Variants in RABGAP1 observed in about 807,000 individuals in gnomAD.
RABGAP1 encodes the protein RAB GTPase activating protein 1, also known as rab GTPase-activating protein 1.
Under a neutral mutation model 137.6 loss-of-function variants are expected in RABGAP1, and 23 were observed. The observed-to-expected ratio is 0.17, with a 90% CI of 0.12 to 0.24. RABGAP1 has a LOEUF of 0.24. Among genes scored for constraint, RABGAP1 ranks in the 10% least tolerant of loss-of-function variants. The pLI is 1.00. For synonymous variants in RABGAP1, 451 were observed against 450.7 expected, an observed-to-expected ratio of 1.00 and a Z score of -0.01; for missense variants, 906 against 1,275.8, an observed-to-expected ratio of 0.71 and a Z score of 4.42.
intron 6 of RABGAP1, among the ~76,000 whole-genome samples, chr9:122,991,606 T>TC (rs370314212): frequency 1.4e-3 from 155 of 110,994 alleles, no homozygotes; most frequent in Non-Finnish European, 1.8e-3. Flanking sequence ...TCTCTCTCTC[T>TC]TTTTTTTTTT....
chr9:123,007,638 A>T (rs1186510251), intron 10 of RABGAP1, among the ~76,000 whole-genome samples: 2 of 140,622 alleles, frequency 1.4e-5, no homozygotes, highest in Non-Finnish European at 3.0e-5. Flanking sequence ...GGCTCAGGTG[A>T]TCTGCCCACC....
chr9:123,051,958 ATTTTTTT>A (rs58591585), intron 13 of RABGAP1, among the ~76,000 whole-genome samples: 15,464 of 130,686 alleles, frequency 0.12, 2,732 homozygotes, highest in African/African-American at 0.39. Flanking sequence ...CGCCCGGCTA[ATTTTTTT>A]TTTTTTTTTT....
chr9:123,064,863 A>C (rs1208586467), intron 13 of RABGAP1, among the ~76,000 whole-genome samples: 2 of 152,200 alleles, frequency 1.3e-5, no homozygotes, highest in South Asian at 2.1e-4. Flanking sequence ...TGCTTTGTGC[A>C]TTCTTATGCC....
chr9:122,956,466 C>A (rs948849068), intron 1 of RABGAP1, among the ~76,000 whole-genome samples: 4 of 152,014 alleles, frequency 2.6e-5, no homozygotes, highest in African/African-American at 9.7e-5. Context: ...CTGGCTAACA[C>A]GGTGAAACCC....
chr9:123,076,097 A>G (rs1294416980), intron 17 of RABGAP1, 148 bp from the exon 18 acceptor site: 2 of 795,854 alleles, frequency 2.5e-6, no homozygotes, highest in East Asian at 6.2e-5. Context: ...ATGGCCCTTT[A>G]GTTTTTATTT....
chr9:122,955,676 A>T (rs527852604), intron 1 of RABGAP1, among the ~76,000 whole-genome samples: 290 of 151,778 alleles, frequency 1.9e-3, no homozygotes, highest in African/African-American at 6.7e-3. Flanking sequence ...TTGATTTTAG[A>T]TTTCTAAGTT....
chr9:122,955,631 G>A (rs545074922), intron 1 of RABGAP1, among the ~76,000 whole-genome samples: 1 of 149,696 alleles, frequency 6.7e-6, no homozygotes, highest in Non-Finnish European at 1.5e-5. Context: ...TGATTTGTAA[G>A]TTTTTTTTTT....
chr9:123,079,275 T>C (rs1047118504), intron 19 of RABGAP1, among the ~76,000 whole-genome samples: 1 of 150,312 alleles, frequency 6.7e-6, no homozygotes, highest in African/African-American at 2.4e-5. Context: ...GGTCTCGCTT[T>C]GTCACCCAGG....
chr9:123,043,031 TGAG>T (rs1306452108), intron 13 of RABGAP1, among the ~76,000 whole-genome samples: 1 of 152,150 alleles, frequency 6.6e-6, no homozygotes, highest in Non-Finnish European at 1.5e-5. Context: ...TTCAGAATTT[TGAG>T]GAGAAGTGAT....
At chr9:123,080,786 T>C (rs1045445722) in intron 19 of RABGAP1, among the ~76,000 whole-genome samples, 5 of 152,220 alleles carry the variant, frequency 3.3e-5, no homozygotes, top group East Asian at 1.9e-4. Flanking sequence ...AGGTAACTTT[T>C]GCTCTGCAAC....
At chr9:123,034,892 T>C in intron 13 of RABGAP1, 1 of 1,613,702 alleles carries the variant, frequency 6.2e-7, no homozygotes, top group African/African-American at 1.3e-5. Context: ...GGTTTTGTAG[T>C]ATCAGTTCTG....
At chr9:123,100,383 ATGTGTGTG>A (rs56811028) in intron 24 of RABGAP1, among the ~76,000 whole-genome samples, 5,423 of 136,478 alleles carry the variant, frequency 0.04, 125 homozygotes, top group African/African-American at 0.077. Flanking sequence ...GTTTAACCAG[ATGTGTGTG>A]TGTGTGTGTG....
intron 4 of RABGAP1, among the ~76,000 whole-genome samples, chr9:122,988,455 C>G (rs1836479963): frequency 6.7e-6 from 1 of 150,062 alleles, no homozygotes; most frequent in African/African-American, 2.4e-5. Flanking sequence ...GAATGCTATC[C>G]CTTTGATTTT....
At chr9:123,023,184 A>G (rs956675816) in intron 13 of RABGAP1, among the ~76,000 whole-genome samples, 1 of 151,646 alleles carries the variant, frequency 6.6e-6, no homozygotes, top group Non-Finnish European at 1.5e-5. Context: ...TTGTTCTTGA[A>G]TTTTTTCTGT....
At chr9:123,021,806 T>C (rs141858502) in intron 13 of RABGAP1, among the ~76,000 whole-genome samples, 15 of 152,356 alleles carry the variant, frequency 9.8e-5, no homozygotes, top group Non-Finnish European at 2.2e-4. Flanking sequence ...TGAGTAACTG[T>C]TACAACCACA....
At chr9:123,011,004 T>C (rs2030756071) in intron 11 of RABGAP1, among the ~76,000 whole-genome samples, 1 of 151,828 alleles carries the variant, frequency 6.6e-6, no homozygotes, top group African/African-American at 2.4e-5. Flanking sequence ...TGGTTCTTTG[T>C]TTCTTTTTTT....
chr9:123,076,762 G>A lies in RABGAP1; in HGVS notation c.2424G>A (p.Lys808=). The A allele has an allele frequency of 6.4e-7, 1 of 1,568,064 alleles. No homozygotes were observed. Among genetic ancestry groups the A allele is most frequent in the Non-Finnish European group, 8.6e-7 (1 of 1,157,718 alleles). ...TAATGGAATTAGCCTGCAACATGAAGGTAAAATAATTTTGCATTAGTTAAG... is the reference window on the plus strand; with the variant it reads ...TAATGGAATTAGCCTGCAACATGAAAGTAAAATAATTTTGCATTAGTTAAG... ...KKLMELACNM[K]ISQKKLKKYE... Residue 808 remains lysine, a splice_region_variant and synonymous_variant, in exon 19 of 26, where the codon AAG becomes AAA. Coordinates refer to ENST00000373647, the MANE Select transcript of RABGAP1 (RefSeq NM_012197.4).
intron 19 of RABGAP1, among the ~76,000 whole-genome samples, chr9:123,087,247 G>T (rs1413158593): frequency 6.6e-6 from 1 of 152,068 alleles, no homozygotes; most frequent in East Asian, 1.9e-4. Flanking sequence ...TATATCTATG[G>T]GGAAAAATGT....
rs773691946 is a variant in RABGAP1, at chr9:123,073,581, G to T, written c.2013G>T (p.Leu671=). 6.2e-6 allele frequency: 10 copies of T among 1,613,598 alleles called. No individual in the cohort carries two copies. In the South Asian group the frequency reaches 1.1e-4, roughly 18 times the overall value. The part of the protein sequence containing the change: ...HMPEEQAFSV[L]VKIMFDYGLR... ...CTGAAGAACAGGCATTCAGTGTTCT[G>T]GTCAAGATCATGTTTGACTATGGGC... is the stretch of plus-strand genomic sequence containing the variant. The change falls in exon 16 of 26, where the codon CTG becomes CTT. Residue 671 remains leucine (L), a synonymous_variant. Coordinates refer to ENST00000373647, the MANE Select transcript of RABGAP1 (RefSeq NM_012197.4).
Sources: gnomAD v4.1 joint callset for allele counts (sites outside exome capture counted in the v4.1 genomes callset) on GRCh38, gnomAD v4.1.1 for gene constraint, MANE v1.5 for transcripts, NCBI Gene and HGNC (gene_info 2026-07-23, HGNC 2026-07-21) for gene names.